The following BTG4 variants were observed in gnomAD, a reference collection of about 807,000 sequenced individuals.
BTG4 encodes BTG anti-proliferation factor 4.
A neutral mutation model predicts 19.3 loss-of-function variants in BTG4; 10 were observed. That is an observed-to-expected ratio of 0.52 (90% CI 0.32 to 0.88). The LOEUF (loss-of-function observed/expected upper bound fraction) is 0.88, where lower values mean the gene tolerates loss of function less well. BTG4 is among the 40% of genes least tolerant of loss of function. The pLI, the probability that BTG4 is intolerant of heterozygous loss-of-function variation, is 0.04. For synonymous variants in BTG4, 91 were observed against 95.7 expected (o/e 0.95, Z 0.29); for missense variants, 238 against 281.9 (o/e 0.84, Z 1.11).
chr11:111,513,473 C>T (rs1316355512), upstream of BTG4: 3 of 534,196 alleles, frequency 5.6e-6, no homozygotes, highest in Non-Finnish European at 1.2e-5. Flanking sequence ...TAGCTGATTG[C>T]TAATAGTACC....
chr11:111,426,499 T>C, the BTG4 span, among the ~76,000 whole-genome samples: 105 of 152,282 alleles, frequency 6.9e-4, no homozygotes, highest in African/African-American at 2.4e-3. Context: ...GGGGTTTGCA[T>C]TGTAGCGGTG....
the BTG4 span, among the ~76,000 whole-genome samples, chr11:111,444,074 T>C: frequency 6.6e-6 from 1 of 151,980 alleles, no homozygotes; most frequent in Non-Finnish European, 1.5e-5. Context: ...TAAGAATAAA[T>C]GGAGAAAAAT....
At chr11:111,477,371 A>C (rs1207317369) in intron 5 of BTG4, among the ~76,000 whole-genome samples, 1 of 152,196 alleles carries the variant, frequency 6.6e-6, no homozygotes, top group African/African-American at 2.4e-5. Flanking sequence ...ACTGACTAGA[A>C]AACAGATAAG....
rs1318849841 is a variant in BTG4 at position 111,511,115 on chromosome 11, T to C, written c.-27+1066A>G. Among the ~76,000 whole-genome samples, 5 of 152,378 alleles carry C rather than the reference T, an allele frequency of 3.3e-5. No homozygotes were observed. The East Asian group carries it at 9.6e-4, about 29-fold the overall frequency. ...TTATGTAATGTGTGCTAAAACACCGTGCCCCTCACAAAGATAAGATGAATA... is the reference window on the plus strand; with the variant it reads ...TTATGTAATGTGTGCTAAAACACCGCGCCCCTCACAAAGATAAGATGAATA... On this transcript the variant is annotated intron_variant, in intron 1 of 4. Coordinates refer to ENST00000692032, the MANE Select transcript of BTG4 (RefSeq NM_001367975.1).
At chr11:111,456,071 G>A in the BTG4 span, among the ~76,000 whole-genome samples, 3 of 152,216 alleles carry the variant, frequency 2.0e-5, no homozygotes, top group African/African-American at 7.2e-5. This position sits in a 1 kb window ranked among gnomAD's most constrained non-coding sequence, Gnocchi z 4.2. Flanking sequence ...AAAGAAGAAG[G>A]AGCCTCGAAA....
intron 4 of BTG4, chr11:111,496,864 A>G: frequency 3.5e-6 from 1 of 285,580 alleles, no homozygotes; most frequent in Non-Finnish European, 6.3e-6. Context: ...CAAATTTTCT[A>G]TAAATGCCGT....
intron 5 of BTG4, among the ~76,000 whole-genome samples, chr11:111,481,079 A>G (rs1391026613): frequency 1.3e-5 from 2 of 151,876 alleles, no homozygotes; most frequent in Non-Finnish European, 2.9e-5. Flanking sequence ...TGAAGACACA[A>G]ATTACCAATA....
chr11:111,513,091 C>A, upstream of BTG4: 1 of 434,052 alleles, frequency 2.3e-6, no homozygotes, highest in Non-Finnish European at 5.0e-6. Flanking sequence ...GAGAAGATGC[C>A]TGAGAAGCGC....
the BTG4 span, chr11:111,455,137 C>A: frequency 2.2e-6 from 1 of 447,352 alleles, no homozygotes; most frequent in Non-Finnish European, 4.5e-6. Flanking sequence ...CCAAACACAA[C>A]TCCCTCCCCT....
intron 1 of BTG4, among the ~76,000 whole-genome samples, chr11:111,500,503 A>G (rs1364315883): frequency 3.3e-5 from 5 of 152,302 alleles, no homozygotes; most frequent in African/African-American, 4.8e-5. Context: ...AACTACACCA[A>G]TCGTGTCTAA....
At position 111,480,253 on chromosome 11, in the gene BTG4, C is replaced by T. The variant is rs114331445; in HGVS notation, c.663-12572G>A. ...TAGATTACCAGAAACAGGAACATTACATAATGATGAAAGGGTCAATCTACC... is the reference window on the plus strand; with the variant it reads ...TAGATTACCAGAAACAGGAACATTATATAATGATGAAAGGGTCAATCTACC... On this transcript the variant is annotated intron_variant, in intron 5 of 5. Coordinates refer to the BTG4 transcript ENST00000356018. Among the ~76,000 whole-genome samples, 1,263 of 152,154 alleles carry T rather than the reference C, an allele frequency of 8.3e-3. 18 individuals carry two copies. Among genetic ancestry groups the T allele is most frequent in the African/African-American group, 0.029 (1,187 of 41,526 alleles).
chr11:111,401,510 T>A, the BTG4 span, among the ~76,000 whole-genome samples: 1 of 150,668 alleles, frequency 6.6e-6, no homozygotes. Context: ...AAAAGAAAGC[T>A]GGGAGCAGGG....
At chr11:111,386,589 T>C in the BTG4 span, among the ~76,000 whole-genome samples, 3 of 152,226 alleles carry the variant, frequency 2.0e-5, no homozygotes, top group African/African-American at 7.2e-5. Flanking sequence ...ATGAATCCTG[T>C]GTGTATATAC....
chr11:111,514,506 A>C, upstream of BTG4: 4 of 409,062 alleles, frequency 9.8e-6, no homozygotes, highest in East Asian at 5.3e-5. Flanking sequence ...CACTGAGGAT[A>C]TAAGAAGCTA....
At chr11:111,476,982 A>G (rs1282340433) in intron 5 of BTG4, among the ~76,000 whole-genome samples, 2 of 152,176 alleles carry the variant, frequency 1.3e-5, no homozygotes, top group Non-Finnish European at 2.9e-5. Context: ...ACACAAGACT[A>G]TTTAGGATAG....
chr11:111,497,202 A>ACT lies in BTG4; in HGVS notation c.510+7_510+8dup. On this transcript the variant is annotated intron_variant, in intron 4 of 4. Transcript: ENST00000692032. ...AAAAAGTATAGAAAAGAACTGGAAC[A>ACT]CTCTTGACCTGATAAATACTCTTCG... 1 of 1,604,768 alleles carries ACT rather than the reference A, an allele frequency of 6.2e-7. No homozygotes were observed. Among genetic ancestry groups the ACT allele is most frequent in the Non-Finnish European group, 8.5e-7 (1 of 1,174,646 alleles).
the BTG4 span, among the ~76,000 whole-genome samples, chr11:111,406,404 A>T: frequency 6.6e-6 from 1 of 152,176 alleles, no homozygotes; most frequent in Non-Finnish European, 1.5e-5. Flanking sequence ...ACAGAGCACC[A>T]TCTCTCTTTG....
the BTG4 span, chr11:111,449,325 GC>G: frequency 8.0e-6 from 1 of 125,596 alleles, no homozygotes; most frequent in African/African-American, 2.9e-5. Context: ...CCCCCTCCCC[GC>G]CCCCAGCCCA....
chr11:111,393,935 T>C, the BTG4 span, among the ~76,000 whole-genome samples: 1 of 152,242 alleles, frequency 6.6e-6, no homozygotes, highest in Admixed American at 6.5e-5. Flanking sequence ...ATCTCAGGTC[T>C]ACCTCTTAAA....
Sources: allele counts gnomAD v4.1 joint callset (sites outside exome capture counted in the v4.1 genomes callset), GRCh38; gene constraint gnomAD v4.1.1; non-coding constraint Gnocchi (gnomAD v3.1); transcripts MANE v1.5; gene names NCBI Gene and HGNC (gene_info 2026-07-23, HGNC 2026-07-21).